Variants in MAX observed in about 807,000 individuals in gnomAD.
MAX encodes the protein protein max.
MAX carries 3 observed loss-of-function variants against 22.3 expected under a neutral mutation model. The ratio of observed to expected loss-of-function variants is 0.13; its 90% CI spans 0.06 to 0.35. The LOEUF (loss-of-function observed/expected upper bound fraction) is 0.35, where lower values mean the gene tolerates loss of function less well. MAX is among the 10% of genes least tolerant of loss of function. The probability of loss-of-function intolerance (pLI) is 1.00; values close to 1 mark genes in which losing one functional copy is unlikely to be tolerated. For synonymous variants in MAX, 72 were observed against 77.7 expected, an observed-to-expected ratio of 0.93 and a Z score of 0.39; for missense variants, 119 against 209.4, an observed-to-expected ratio of 0.57 and a Z score of 2.66.
rs2062513267 is a variant in MAX, at chr14:65,047,655, C to G, written c.172-41371G>C. On this transcript the variant is annotated intron_variant, in intron 3 of 3. Coordinates refer to the MAX transcript ENST00000341653. This position sits in a 1 kb window ranked among gnomAD's most constrained non-coding sequence, Gnocchi z 5.2. ...ACTTACCCTTTGAACACAGCAAGTGCACTGTCAGGAATTTACCTGCAGGGA... is the reference window on the plus strand; with the variant it reads ...ACTTACCCTTTGAACACAGCAAGTGGACTGTCAGGAATTTACCTGCAGGGA... Among the ~76,000 whole-genome samples, 1 of 152,178 alleles carries G rather than the reference C, an allele frequency of 6.6e-6. No homozygotes were observed. The highest frequency in any genetic ancestry group is 1.5e-5 in the Non-Finnish European group (1 of 68,034).
intron 3 of MAX, among the ~76,000 whole-genome samples, chr14:65,045,727 T>A (rs1280057709): frequency 6.6e-6 from 1 of 151,750 alleles, no homozygotes; most frequent in Non-Finnish European, 1.5e-5. Flanking sequence ...TGAGCCTCAT[T>A]ATTTAGTTTC....
chr14:65,032,703 G>T lies in MAX; in HGVS notation c.172-26419C>A. ...CTGCTGAATGGATAGCAAGGTGAGA[G>T]AAGCCAGGGTTTCTCCTGGCCTCTT... On this transcript the variant is annotated intron_variant, in intron 3 of 3. Transcript: ENST00000341653. This position sits in a 1 kb window ranked among gnomAD's most constrained non-coding sequence, Gnocchi z 5.0. 1 of 1,612,996 alleles carries T rather than the reference G, an allele frequency of 6.2e-7. No homozygotes were observed.
At chr14:65,070,430 A>G (rs1294230198), downstream of MAX, among the ~76,000 whole-genome samples, 1 of 152,212 alleles carries the variant, frequency 6.6e-6, no homozygotes, top group African/African-American at 2.4e-5. This position sits in a 1 kb window ranked among gnomAD's most constrained non-coding sequence, Gnocchi z 4.4. Context: ...GGCTGTGGGT[A>G]TACAAGAGCC....
downstream of MAX, among the ~76,000 whole-genome samples, chr14:65,072,639 G>C (rs999057286): frequency 6.6e-6 from 1 of 152,186 alleles, no homozygotes; most frequent in African/African-American, 2.4e-5. Flanking sequence ...TAGAGCCCAG[G>C]AATCCTTTTA....
chr14:65,036,203 C>T (rs1204486156), intron 3 of MAX, among the ~76,000 whole-genome samples: 1 of 152,034 alleles, frequency 6.6e-6, no homozygotes, highest in Non-Finnish European at 1.5e-5. Flanking sequence ...CCTTATATGT[C>T]AAGTGGTGGG....
rs1299635013 is a variant in MAX, at chr14:65,077,858, C to A, written c.295+55G>T. The A allele has an allele frequency of 1.9e-6, 3 of 1,614,108 alleles. No homozygotes were observed. Among genetic ancestry groups the A allele is most frequent in the African/African-American group, 1.3e-5 (1 of 74,950 alleles). On this transcript the variant is annotated intron_variant, in intron 4 of 4. Transcript: ENST00000358664. This position sits in a 1 kb window ranked among gnomAD's most constrained non-coding sequence, Gnocchi z 6.3. The stretch of plus-strand genomic sequence containing the variant: ...GACTCTGCAGGCCCAGGTGCCAAAG[C>A]CTGACCTGGCTGGAGCACAGCAGGG...
At chr14:65,100,608 T>A (rs2063803028) in intron 2 of MAX, among the ~76,000 whole-genome samples, 1 of 152,252 alleles carries the variant, frequency 6.6e-6, no homozygotes. Flanking sequence ...TTATTCTTTA[T>A]GGCCCTCATG....
intron 3 of MAX, among the ~76,000 whole-genome samples, chr14:65,043,198 A>C (rs751041780): frequency 1.5e-4 from 23 of 152,156 alleles, no homozygotes; most frequent in Non-Finnish European, 2.9e-4. Flanking sequence ...GAAATGTCAT[A>C]TCTGCTCAGC....
intron 3 of MAX, among the ~76,000 whole-genome samples, chr14:65,068,350 G>A (rs113057556): frequency 1.3e-5 from 2 of 152,250 alleles, no homozygotes; most frequent in African/African-American, 4.8e-5. Context: ...CAGGAGAATC[G>A]CTTGAACCTG....
At chr14:65,053,625 T>TAAAAAAAAACA (rs201558638) in intron 3 of MAX, among the ~76,000 whole-genome samples, 3 of 146,246 alleles carry the variant, frequency 2.1e-5, no homozygotes, top group African/African-American at 8.1e-5. Flanking sequence ...CTTCTTTTTT[T>TAAAAAAAAACA]TAAAAAAAAC....
At chr14:65,036,263 G>A (rs533695529) in intron 3 of MAX, among the ~76,000 whole-genome samples, 1 of 151,936 alleles carries the variant, frequency 6.6e-6, no homozygotes, top group South Asian at 2.1e-4. Flanking sequence ...TTGAAAGAGG[G>A]TCTCACTTCG....
Position 65,031,998 on chromosome 14 carries a change from G to T in MAX, c.172-25714C>A, listed in dbSNP as rs2062096120. ...ATTTAACGTGTGTGTGTGTGTGTGTGTGTGTGTGTGTGTGTGTGTGTACTG... is the reference window on the plus strand; with the variant it reads ...ATTTAACGTGTGTGTGTGTGTGTGTTTGTGTGTGTGTGTGTGTGTGTACTG... On this transcript the variant is annotated intron_variant, in intron 3 of 3. Coordinates refer to the MAX transcript ENST00000341653. This position sits in a 1 kb window ranked among gnomAD's most constrained non-coding sequence, Gnocchi z 4.6. Among the ~76,000 whole-genome samples, 1 of 151,592 alleles carries T rather than the reference G, an allele frequency of 6.6e-6. No individual in the cohort carries two copies. The highest frequency in any genetic ancestry group is 2.1e-4 in the South Asian group (1 of 4,804).
At chr14:65,081,041 T>C (rs558170898) in intron 3 of MAX, among the ~76,000 whole-genome samples, 20 of 152,322 alleles carry the variant, frequency 1.3e-4, no homozygotes, top group South Asian at 6.2e-4. Context: ...ATAAAATTCA[T>C]AGATGTTCAG....
At chr14:65,024,524 G>GA (rs1172362038) in intron 3 of MAX, among the ~76,000 whole-genome samples, 1 of 152,292 alleles carries the variant, frequency 6.6e-6, no homozygotes, top group Non-Finnish European at 1.5e-5. Flanking sequence ...TTTTGGGTTT[G>GA]AAGATCCATG....
At chr14:65,037,111 T>G (rs1003432915) in intron 3 of MAX, among the ~76,000 whole-genome samples, 1 of 151,880 alleles carries the variant, frequency 6.6e-6, no homozygotes, top group East Asian at 1.9e-4. Context: ...CTCTTTTTTT[T>G]TTTTCCTTTG....
At chr14:65,018,882 G>A (rs2061831701) in intron 3 of MAX, among the ~76,000 whole-genome samples, 1 of 151,122 alleles carries the variant, frequency 6.6e-6, no homozygotes, top group South Asian at 2.1e-4. Flanking sequence ...AGAACGAAGT[G>A]GGTGGATCAC....
intron 3 of MAX, among the ~76,000 whole-genome samples, chr14:65,086,900 G>A (rs2063348464): frequency 6.6e-6 from 1 of 152,220 alleles, no homozygotes; most frequent in Non-Finnish European, 1.5e-5. Flanking sequence ...CAGACCCAGA[G>A]GCCTAGGAGG....
chr14:65,071,852 C>T (rs529190290), downstream of MAX, among the ~76,000 whole-genome samples: 1 of 152,366 alleles, frequency 6.6e-6, no homozygotes, highest in African/African-American at 2.4e-5. This position sits in a 1 kb window ranked among gnomAD's most constrained non-coding sequence, Gnocchi z 4.2. Flanking sequence ...CACAGGCCTG[C>T]CTGGTGCAGT....
At chr14:65,087,545 C>T (rs1005855633) in intron 3 of MAX, among the ~76,000 whole-genome samples, 2 of 152,176 alleles carry the variant, frequency 1.3e-5, no homozygotes, top group Non-Finnish European at 2.9e-5. Context: ...GATTTGACTG[C>T]CCTGCTGGAT....
Sources: gnomAD v4.1 joint callset for allele counts (sites outside exome capture counted in the v4.1 genomes callset) on GRCh38, gnomAD v4.1.1 for gene constraint, Gnocchi (gnomAD v3.1) non-coding constraint, MANE v1.5 for transcripts, NCBI Gene and HGNC (gene_info 2026-07-23, HGNC 2026-07-21) for gene names.